The following NUP107 variants were observed in gnomAD, a reference collection of about 807,000 sequenced individuals.
The protein encoded by NUP107 is nuclear pore complex protein Nup107.
In NUP107, 101 loss-of-function variants were observed where a neutral mutation model predicts 141.0. The ratio of observed to expected loss-of-function variants is 0.72; its 90% CI spans 0.61 to 0.84. NUP107 has a LOEUF of 0.84. Among genes scored for constraint, NUP107 ranks in the 40% least tolerant of loss-of-function variants. NUP107 has a pLI of 0.00. For synonymous variants in NUP107, 319 were observed against 363.9 expected (o/e 0.88, Z 1.41); for missense variants, 941 against 1,102.7 (o/e 0.85, Z 2.08).
In NUP107 at chr12:68,742,526, A is replaced by G. The variant is rs1555180303; in HGVS notation, c.*64A>G. The G allele has an allele frequency of 1.4e-4, 119 of 858,662 alleles. 4 individuals carry two copies. The South Asian group carries it at 2.2e-3, about 16-fold the overall frequency. The allele number at this position is 858,662 out of a possible 1,614,324, so 53.2% of individuals were successfully genotyped here. ...AAGTTTTTAATAAAATATACTTGTT[A>G]TTAGTAATTTTTTCTTTTGCATTAC... On this transcript the variant is annotated 3_prime_UTR_variant, in exon 28 of 28. Transcript: ENST00000229179.
At chr12:68,714,028 A>T in intron 11 of NUP107, 1 of 485,518 alleles carries the variant, frequency 2.1e-6, no homozygotes, top group Non-Finnish European at 3.6e-6. Flanking sequence ...AAGTATACTT[A>T]ACTTGACAGC....
chr12:68,696,774 A>T (rs1876077775), intron 5 of NUP107, 45 bp from the exon 6 acceptor site: 1 of 1,049,026 alleles, frequency 9.5e-7, no homozygotes, highest in Non-Finnish European at 1.4e-6. Flanking sequence ...GAAGTACGTC[A>T]CTTAACTTTT....
chr12:68,700,891 A>C (rs1381282929), intron 7 of NUP107, 38 bp downstream of exon 7: 24 of 1,516,080 alleles, frequency 1.6e-5, no homozygotes, highest in Non-Finnish European at 2.0e-5. Flanking sequence ...AATAAACATA[A>C]GGTAATAAAC....
chr12:68,741,879 T>C lies in NUP107; in HGVS notation c.2569T>C (p.Leu857=), dbSNP rs1878333233. 3.1e-6 allele frequency: 5 copies of C among 1,614,054 alleles called. No individual in the cohort carries two copies. The highest frequency in any genetic ancestry group is 4.2e-6 in the Non-Finnish European group (5 of 1,179,952). Residue 857 remains leucine, a synonymous_variant, in exon 27 of 28, where the codon TTG becomes CTG. Coordinates refer to ENST00000229179, the MANE Select transcript of NUP107 (RefSeq NM_020401.4). ...VLLRKLCLPM[L]CFLLHTILHS... is the part of the protein sequence containing the mutation. ...ACTGAGAAAGCTTTGTCTGCCAATGTTGTGTTTTCTGCTTCATACGATATT... is the reference window on the plus strand; with the variant it reads ...ACTGAGAAAGCTTTGTCTGCCAATGCTGTGTTTTCTGCTTCATACGATATT...
chr12:68,721,266 T>G (rs1877337658), intron 15 of NUP107, 89 bp downstream of exon 15: 1 of 812,416 alleles, frequency 1.2e-6, no homozygotes, highest in African/African-American at 1.8e-5. Flanking sequence ...AATATAAACT[T>G]AAGTTTGTAT....
intron 17 of NUP107, among the ~76,000 whole-genome samples, chr12:68,723,279 A>G (rs1282820686): frequency 6.6e-6 from 1 of 151,994 alleles, no homozygotes; most frequent in African/African-American, 2.4e-5. Flanking sequence ...CTGAAGTGGG[A>G]GGATCGTGGC....
chr12:68,742,951 C>T lies in NUP107; in HGVS notation c.*489C>T, dbSNP rs1172785406. The T allele has an allele frequency of 6.6e-6, 1 of 152,470 alleles. No homozygotes were observed. Among genetic ancestry groups the T allele is most frequent in the Non-Finnish European group, 1.5e-5 (1 of 68,290 alleles). The allele number at this position is 152,470 out of a possible 1,614,324, so 9.4% of individuals were successfully genotyped here. ...TATTTTGAAGACATTTCTAGTTTAA[C>T]TTTCATTTAGCAAACTTCCTATCAA... On this transcript the variant is annotated 3_prime_UTR_variant, in exon 28 of 28. Transcript: ENST00000229179.
At chr12:68,687,340 G>A (rs192906788) in intron 1 of NUP107, 3 of 731,310 alleles carry the variant, frequency 4.1e-6, no homozygotes, top group East Asian at 6.9e-5. Context: ...AACACTGTTC[G>A]CTCCTGGGGT....
At chr12:68,735,589 C>G (rs1416375734) in intron 26 of NUP107, among the ~76,000 whole-genome samples, 2 of 152,134 alleles carry the variant, frequency 1.3e-5, no homozygotes, top group African/African-American at 4.8e-5. Context: ...TTAAAAAATT[C>G]TGGACCTAAA....
Position 68,721,830 on chromosome 12 carries a change from T to C in NUP107, c.1312-11T>C, listed in dbSNP as rs2136032847. 2.5e-6 allele frequency: 4 copies of C among 1,608,746 alleles called. No individual in the cohort carries two copies. Among genetic ancestry groups the C allele is most frequent in the Middle Eastern group, 1.7e-4 (1 of 6,028 alleles). ...ATGTCTATATGTTTCTGTTTTGTAATGGGGAAAAAGCTGCTTCCTGTCTGT... is the reference window on the plus strand; with the variant it reads ...ATGTCTATATGTTTCTGTTTTGTAACGGGGAAAAAGCTGCTTCCTGTCTGT... On this transcript the variant is annotated splice_polypyrimidine_tract_variant and intron_variant, in intron 15 of 27. Coordinates refer to ENST00000229179, the MANE Select transcript of NUP107 (RefSeq NM_020401.4).
At chr12:68,716,928 C>T (rs998842281) in intron 12 of NUP107, among the ~76,000 whole-genome samples, 3 of 151,462 alleles carry the variant, frequency 2.0e-5, no homozygotes, top group Non-Finnish European at 2.9e-5. Context: ...GATGGAGTCT[C>T]GCTCTGTCAC....
intron 8 of NUP107, among the ~76,000 whole-genome samples, chr12:68,708,137 A>G (rs1375348536): frequency 6.6e-6 from 1 of 152,140 alleles, no homozygotes; most frequent in East Asian, 1.9e-4. Context: ...AACATTTTAT[A>G]TAAGGGCCTT....
intron 5 of NUP107, among the ~76,000 whole-genome samples, chr12:68,695,060 G>A (rs376993168): frequency 8.5e-5 from 13 of 152,220 alleles, no homozygotes; most frequent in East Asian, 7.7e-4. Flanking sequence ...CCTTACACCC[G>A]TTAGTGTGGC....
chr12:68,734,021 A>G (rs1877960112), intron 24 of NUP107, among the ~76,000 whole-genome samples: 1 of 152,222 alleles, frequency 6.6e-6, no homozygotes, highest in Non-Finnish European at 1.5e-5. Flanking sequence ...CTATAATCCC[A>G]ACACTTCGGG....
At chr12:68,697,648 A>G (rs905210793) in intron 6 of NUP107, among the ~76,000 whole-genome samples, 1 of 152,178 alleles carries the variant, frequency 6.6e-6, no homozygotes, top group Admixed American at 6.6e-5. Flanking sequence ...CTCAACAATA[A>G]GAAAATGAAC....
intron 24 of NUP107, among the ~76,000 whole-genome samples, chr12:68,734,323 A>G (rs564183391): frequency 6.6e-6 from 1 of 152,274 alleles, no homozygotes; most frequent in Admixed American, 6.5e-5. Flanking sequence ...TTCAATAAAT[A>G]ATTATGTAAT....
chr12:68,724,782 A>G (rs1350754082), intron 17 of NUP107, among the ~76,000 whole-genome samples: 1 of 152,158 alleles, frequency 6.6e-6, no homozygotes, highest in Admixed American at 6.5e-5. Flanking sequence ...CTCTGTCTCA[A>G]AAACAAACAA....
rs533394813 is a variant in NUP107, at chr12:68,689,065, G to T, written c.100+12G>T. 3 of 1,587,256 alleles carry T rather than the reference G, an allele frequency of 1.9e-6. No homozygotes were observed. The highest frequency in any genetic ancestry group is 2.6e-6 in the Non-Finnish European group (3 of 1,158,592). The stretch of plus-strand genomic sequence containing the variant: ...GAAAAGAGTTTTACGTATCCTTTGC[G>T]ATTTAAGCATCATTATAAAAATTGT... On this transcript the variant is annotated intron_variant, in intron 2 of 27. Coordinates refer to ENST00000229179, the MANE Select transcript of NUP107 (RefSeq NM_020401.4).
chr12:68,723,638 C>A (rs190007549), intron 17 of NUP107, among the ~76,000 whole-genome samples: 19 of 152,166 alleles, frequency 1.2e-4, no homozygotes, highest in Admixed American at 1.2e-3. Flanking sequence ...AATTTATTAC[C>A]TGGTTGTGGC....
Sources: gnomAD v4.1 joint callset for allele counts (sites outside exome capture counted in the v4.1 genomes callset) on GRCh38, gnomAD v4.1.1 for gene constraint, MANE v1.5 for transcripts, NCBI Gene and HGNC (gene_info 2026-07-23, HGNC 2026-07-21) for gene names.